CDH18: variants seen among roughly 807,000 people sequenced by gnomAD.
CDH18 encodes cadherin 18, also known as cadherin-18.
A neutral mutation model predicts 67.9 loss-of-function variants in CDH18; 31 were observed. The ratio of observed to expected loss-of-function variants is 0.46; its 90% CI spans 0.34 to 0.62. CDH18 has a LOEUF of 0.62. Ranked by LOEUF, CDH18 falls within the 20% of genes least tolerant of loss-of-function variation. The pLI, the probability that CDH18 is intolerant of heterozygous loss-of-function variation, is 0.01. For synonymous variants in CDH18, 362 were observed against 347.2 expected (o/e 1.04, Z -0.48); for missense variants, 890 against 975.5 (o/e 0.91, Z 1.17).
chr5:19,742,584 AAGTC>A (rs1453304558), intron 4 of CDH18, among the ~76,000 whole-genome samples: 10 of 152,170 alleles, frequency 6.6e-5, no homozygotes, highest in African/African-American at 2.4e-4. Flanking sequence ...CCCCCTGTCC[AAGTC>A]TACGGTTCCC....
At chr5:20,470,000 T>C (rs1194663570) in intron 1 of CDH18, among the ~76,000 whole-genome samples, 2 of 152,132 alleles carry the variant, frequency 1.3e-5, no homozygotes, top group African/African-American at 2.4e-5. Flanking sequence ...TAGATCCTGC[T>C]ATTACCTTTA....
chr5:19,866,678 C>T (rs1461843058), intron 2 of CDH18, among the ~76,000 whole-genome samples: 1 of 152,148 alleles, frequency 6.6e-6, no homozygotes, highest in Non-Finnish European at 1.5e-5. Context: ...CTCATTTTGT[C>T]TCTATCAACC....
chr5:19,508,273 A>C (rs1172262820), intron 10 of CDH18, among the ~76,000 whole-genome samples: 3 of 152,110 alleles, frequency 2.0e-5, no homozygotes, highest in African/African-American at 4.8e-5. Context: ...TGGTTTTTAG[A>C]AGTTATAAAC....
intron 1 of CDH18, among the ~76,000 whole-genome samples, chr5:19,985,453 T>A (rs373964140): frequency 2.0e-5 from 3 of 152,144 alleles, no homozygotes. Context: ...TAATTTTGCA[T>A]CCTCCCCAGG....
chr5:19,907,453 T>C (rs1579532908), intron 2 of CDH18, among the ~76,000 whole-genome samples: 2 of 152,030 alleles, frequency 1.3e-5, no homozygotes, highest in East Asian at 3.9e-4. Flanking sequence ...GTTAATTTAA[T>C]ACAACATTGG....
intron 5 of CDH18, among the ~76,000 whole-genome samples, chr5:19,690,732 G>A (rs1284929603): frequency 2.0e-5 from 3 of 151,494 alleles, no homozygotes; most frequent in Non-Finnish European, 4.4e-5. Flanking sequence ...AATTCAAGAA[G>A]AAATAGAAAA....
At chr5:20,171,126 C>T (rs748482899) in intron 2 of CDH18, among the ~76,000 whole-genome samples, 61 of 151,816 alleles carry the variant, frequency 4.0e-4, no homozygotes, top group Non-Finnish European at 7.7e-4. Context: ...CACTGATGGA[C>T]ATTTGGGTTG....
At chr5:20,134,513 G>A (rs1209509225) in intron 2 of CDH18, among the ~76,000 whole-genome samples, 1 of 151,872 alleles carries the variant, frequency 6.6e-6, no homozygotes, top group Non-Finnish European at 1.5e-5. Context: ...GTACCTATCG[G>A]TTGTAACATC....
chr5:19,631,970 T>C lies in CDH18; in HGVS notation c.644-19369A>G, dbSNP rs1384944333. On this transcript the variant is annotated intron_variant, in intron 5 of 12. Transcript: ENST00000382275. ...GGGTTTAGAGTAGTAGAGCCAATTGTCTGCAATGAAACCTTGGTTCCACCA... is the reference window on the plus strand; with the variant it reads ...GGGTTTAGAGTAGTAGAGCCAATTGCCTGCAATGAAACCTTGGTTCCACCA... Among the ~76,000 whole-genome samples the C allele has an allele frequency of 5.3e-5, 8 of 152,188 alleles. No homozygotes were observed. In the South Asian group the frequency reaches 1.7e-3, roughly 31 times the overall value.
intron 5 of CDH18, among the ~76,000 whole-genome samples, chr5:19,649,702 A>G (rs150313037): frequency 2.1e-3 from 314 of 152,178 alleles, no homozygotes; most frequent in African/African-American, 7.3e-3. Flanking sequence ...AAAAGGTCTC[A>G]TCATAAAAAA....
intron 1 of CDH18, among the ~76,000 whole-genome samples, chr5:20,559,829 G>A (rs2126643044): frequency 6.6e-6 from 1 of 152,190 alleles, no homozygotes; most frequent in Non-Finnish European, 1.5e-5. Flanking sequence ...AACAAGAAAA[G>A]CATTTAAAAG....
intron 9 of CDH18, 22 bp from the exon 10 acceptor site, chr5:19,520,800 A>C (rs1208392495): frequency 1.2e-6 from 2 of 1,611,636 alleles, no homozygotes; most frequent in East Asian, 4.5e-5. Flanking sequence ...ACAGGAATGT[A>C]TTTAGTATTT....
chr5:19,856,181 G>A (rs982855900), intron 2 of CDH18, among the ~76,000 whole-genome samples: 1 of 152,210 alleles, frequency 6.6e-6, no homozygotes, highest in Non-Finnish European at 1.5e-5. Context: ...ATCAGCTTCA[G>A]CTGAGAGCTG....
chr5:19,526,555 C>T (rs1747777142), intron 9 of CDH18, among the ~76,000 whole-genome samples: 1 of 152,050 alleles, frequency 6.6e-6, no homozygotes, highest in Admixed American at 6.5e-5. Context: ...TTCCAGATTT[C>T]CCACTTATGG....
intron 7 of CDH18, 111 bp downstream of exon 7, chr5:19,590,946 A>C (rs573718691): frequency 1.7e-6 from 1 of 577,120 alleles, no homozygotes; most frequent in Admixed American, 3.3e-5. Context: ...AAGTGACAAT[A>C]TTTTATCATT....
rs1207776249 is a variant in CDH18, at chr5:20,527,205, C to A, written c.-580+48257G>T. Among the ~76,000 whole-genome samples, 3 of 151,540 alleles carry A rather than the reference C, an allele frequency of 2.0e-5. No homozygotes were observed. In the East Asian group the frequency reaches 5.8e-4, roughly 29 times the overall value. ...GCTGAAATAAGGCAGGCAGACAAGACTAGAGAAAAAAGAATAAAAAGGAAT... is the reference window on the plus strand; with the variant it reads ...GCTGAAATAAGGCAGGCAGACAAGAATAGAGAAAAAAGAATAAAAAGGAAT... On this transcript the variant is annotated intron_variant, in intron 1 of 14. Coordinates refer to the CDH18 transcript ENST00000507958.
chr5:20,501,567 A>AT (rs1561069343), intron 1 of CDH18, among the ~76,000 whole-genome samples: 2,316 of 14,208 alleles, frequency 0.16, 152 homozygotes, highest in African/African-American at 0.26. Flanking sequence ...ATATATATAT[A>AT]TAATATATAT....
intron 6 of CDH18, among the ~76,000 whole-genome samples, chr5:19,603,218 G>T (rs1321804598): frequency 6.6e-6 from 1 of 152,056 alleles, no homozygotes; most frequent in Non-Finnish European, 1.5e-5. Context: ...TTACAGCCTG[G>T]ATGAACCTTG....
chr5:20,287,055 T>C (rs956675800), intron 1 of CDH18, among the ~76,000 whole-genome samples: 1 of 151,856 alleles, frequency 6.6e-6, no homozygotes, highest in African/African-American at 2.4e-5. Context: ...ACTGCTAATT[T>C]GGACTCTTAA....
Sources: gnomAD v4.1 joint callset for allele counts (sites outside exome capture counted in the v4.1 genomes callset) on GRCh38, gnomAD v4.1.1 for gene constraint, MANE v1.5 for transcripts, NCBI Gene and HGNC (gene_info 2026-07-23, HGNC 2026-07-21) for gene names.